Variants in HS2ST1 observed in about 807,000 individuals in gnomAD.
HS2ST1 encodes 2-O-sulfotransferase.
In HS2ST1, 18 loss-of-function variants were observed where a neutral mutation model predicts 42.9. The observed-to-expected ratio is 0.42, with a 90% confidence interval of 0.29 to 0.62. The LOEUF (loss-of-function observed/expected upper bound fraction) is 0.62. HS2ST1 is among the 20% of genes least tolerant of loss of function. The probability of loss-of-function intolerance (pLI) is 0.21; values close to 1 mark genes in which losing one functional copy is unlikely to be tolerated. For missense variants in HS2ST1, 334 were observed against 433.8 expected (o/e 0.77, Z 2.04); for synonymous variants, 146 against 152.9 (o/e 0.95, Z 0.33).
chr1:86,963,236 A>G (rs1202378002), intron 1 of HS2ST1, among the ~76,000 whole-genome samples: 1 of 151,284 alleles, frequency 6.6e-6, no homozygotes, highest in African/African-American at 2.4e-5. Context: ...ATAGGACAAT[A>G]GTGGAGGGAA....
At position 87,104,926 on chromosome 1, in the gene HS2ST1, C is replaced by A. The variant is rs1557547842; in HGVS notation, c.*230C>A. On this transcript the variant is annotated 3_prime_UTR_variant, in exon 7 of 7. Coordinates refer to ENST00000370550, the MANE Select transcript of HS2ST1 (RefSeq NM_012262.4). ...GGCTAAACGTTGGTGAAAGTTATAA[C>A]CTCCTGCCTGGGAGAAAATATACAT... is the stretch of plus-strand genomic sequence containing the variant. 1 of 446,064 alleles carries A rather than the reference C, an allele frequency of 2.2e-6. No homozygotes were observed. Among genetic ancestry groups the A allele is most frequent in the Admixed American group, 3.9e-5 (1 of 25,570 alleles). The allele number at this position is 446,064 out of a possible 1,614,324, so 27.6% of individuals were successfully genotyped here. A position where few individuals can be genotyped will look rare whatever the true frequency, so the allele number is the denominator to read the frequency against.
intron 1 of HS2ST1, among the ~76,000 whole-genome samples, chr1:86,921,824 A>G (rs1660306066): frequency 6.6e-6 from 1 of 152,210 alleles, no homozygotes; most frequent in Non-Finnish European, 1.5e-5. Flanking sequence ...TACTTTGTCT[A>G]ATACTAATAC....
At chr1:87,101,147 G>GTT (rs1557546414) in intron 5 of HS2ST1, among the ~76,000 whole-genome samples, 89 of 75,910 alleles carry the variant, frequency 1.2e-3, no homozygotes, top group African/African-American at 1.4e-3. Flanking sequence ...GTGTGTGTGT[G>GTT]TGTTTTTTGT....
chr1:87,016,875 T>C (rs375787808), intron 1 of HS2ST1, among the ~76,000 whole-genome samples: 8 of 146,704 alleles, frequency 5.5e-5, no homozygotes, highest in Non-Finnish European at 9.1e-5. Flanking sequence ...TTTTTTTTTT[T>C]CAGGTTTTCA....
chr1:86,935,378 TTC>T (rs1366257981), intron 1 of HS2ST1, among the ~76,000 whole-genome samples: 13 of 151,790 alleles, frequency 8.6e-5, no homozygotes, highest in African/African-American at 3.1e-4. Flanking sequence ...ATGTTTGGAC[TTC>T]TCTGGAAATT....
At chr1:87,101,149 G>GGTTT (rs1652189494) in intron 5 of HS2ST1, among the ~76,000 whole-genome samples, 2 of 59,540 alleles carry the variant, frequency 3.4e-5, no homozygotes, top group East Asian at 6.0e-4. Flanking sequence ...GTGTGTGTGT[G>GGTTT]TTTTTTGTTT....
chr1:86,992,000 G>A (rs929289596), intron 1 of HS2ST1, among the ~76,000 whole-genome samples: 1 of 152,148 alleles, frequency 6.6e-6, no homozygotes, highest in Admixed American at 6.5e-5. Context: ...GAGGTGAGTG[G>A]CATTATCGCC....
intron 1 of HS2ST1, among the ~76,000 whole-genome samples, chr1:87,010,959 T>C (rs1275790341): frequency 6.6e-6 from 1 of 152,086 alleles, no homozygotes; most frequent in Non-Finnish European, 1.5e-5. Context: ...CTAACTTTTG[T>C]ATTTTTAGTA....
chr1:86,982,678 C>T (rs188644225), intron 1 of HS2ST1, among the ~76,000 whole-genome samples: 2 of 152,204 alleles, frequency 1.3e-5, no homozygotes, highest in East Asian at 3.9e-4. Context: ...CCACGCCCGG[C>T]TAATTTTTTG....
At chr1:87,027,643 G>A (rs1024945475) in intron 1 of HS2ST1, among the ~76,000 whole-genome samples, 3 of 152,174 alleles carry the variant, frequency 2.0e-5, no homozygotes, top group African/African-American at 7.2e-5. Flanking sequence ...TCTCAACTGA[G>A]AAGGGTGGCA....
At chr1:87,053,299 A>T (rs1292040185) in intron 1 of HS2ST1, among the ~76,000 whole-genome samples, 2 of 152,194 alleles carry the variant, frequency 1.3e-5, no homozygotes, top group Non-Finnish European at 2.9e-5. Context: ...TCTTCTTGGT[A>T]TGATATTTCA....
intron 1 of HS2ST1, among the ~76,000 whole-genome samples, chr1:87,015,414 C>A (rs150039791): frequency 7.7e-4 from 111 of 143,890 alleles, no homozygotes; most frequent in African/African-American, 2.6e-3. Context: ...GTGGCGCAAT[C>A]TCGGCTCACT....
At chr1:87,037,815 TC>T (rs550909734) in intron 1 of HS2ST1, among the ~76,000 whole-genome samples, 3 of 152,004 alleles carry the variant, frequency 2.0e-5, no homozygotes, top group Non-Finnish European at 4.4e-5. Context: ...TATCTAGCCA[TC>T]TTGATACTTC....
chr1:87,027,516 T>C (rs993909781), intron 1 of HS2ST1, among the ~76,000 whole-genome samples: 3 of 152,210 alleles, frequency 2.0e-5, no homozygotes, highest in African/African-American at 7.2e-5. Flanking sequence ...TGAAAAAGCA[T>C]ATTTAACATT....
chr1:87,023,806 A>G (rs1418743003), intron 1 of HS2ST1, among the ~76,000 whole-genome samples: 1 of 151,884 alleles, frequency 6.6e-6, no homozygotes, highest in Non-Finnish European at 1.5e-5. Context: ...TTGTGTTACT[A>G]TTTTTTTTCA....
chr1:86,988,192 C>G (rs796081317), intron 1 of HS2ST1, among the ~76,000 whole-genome samples: 12 of 152,268 alleles, frequency 7.9e-5, no homozygotes, highest in African/African-American at 2.9e-4. Context: ...TTTGCTCAAA[C>G]AAGGAAAGAT....
chr1:87,069,210 G>A (rs553880815), intron 1 of HS2ST1, among the ~76,000 whole-genome samples: 13 of 152,154 alleles, frequency 8.5e-5, no homozygotes, highest in Non-Finnish European at 1.8e-4. Flanking sequence ...AAGAATCCAC[G>A]TATTGGACTC....
intron 1 of HS2ST1, among the ~76,000 whole-genome samples, chr1:86,954,073 C>T (rs1487731847): frequency 5.6e-5 from 8 of 141,934 alleles, no homozygotes; most frequent in East Asian, 4.1e-4. Flanking sequence ...AAAAAAAGGC[C>T]GGGCTTGGTG....
At chr1:86,935,936 G>A (rs1374214805) in intron 1 of HS2ST1, among the ~76,000 whole-genome samples, 2 of 152,114 alleles carry the variant, frequency 1.3e-5, no homozygotes, top group African/African-American at 4.8e-5. Flanking sequence ...TTATGAAACC[G>A]TAATACAATT....
Sources: gnomAD v4.1 joint callset for allele counts (sites outside exome capture counted in the v4.1 genomes callset) on GRCh38, gnomAD v4.1.1 for gene constraint, MANE v1.5 for transcripts, NCBI Gene and HGNC (gene_info 2026-07-23, HGNC 2026-07-21) for gene names.